The following SLC44A5 variants were observed in gnomAD, a reference collection of about 807,000 sequenced individuals.
SLC44A5 encodes choline transporter-like protein 5.
A neutral mutation model predicts 101.8 loss-of-function variants in SLC44A5; 57 were observed. The ratio of observed to expected loss-of-function variants is 0.56; its 90% CI spans 0.45 to 0.70. The LOEUF is 0.70. SLC44A5 is among the 30% of genes least tolerant of loss of function. The probability of loss-of-function intolerance (pLI) is 0.00; values close to 1 mark genes in which losing one functional copy is unlikely to be tolerated. For missense variants in SLC44A5, 737 were observed against 853.1 expected (o/e 0.86, Z 1.70); for synonymous variants, 281 against 290.9 (o/e 0.97, Z 0.35).
intron 2 of SLC44A5, among the ~76,000 whole-genome samples, chr1:75,504,236 T>C (rs1669125468): frequency 6.6e-6 from 1 of 152,212 alleles, no homozygotes; most frequent in African/African-American, 2.4e-5. Context: ...TTTGTAATTT[T>C]ACTTTTGGTC....
At chr1:75,464,083 A>G (rs1351378200) in intron 2 of SLC44A5, among the ~76,000 whole-genome samples, 1 of 151,916 alleles carries the variant, frequency 6.6e-6, no homozygotes, top group Non-Finnish European at 1.5e-5. Context: ...TTAGCTGGGC[A>G]TGGTGGCATG....
the SLC44A5 span, among the ~76,000 whole-genome samples, chr1:75,714,220 G>T: frequency 6.6e-6 from 1 of 152,158 alleles, no homozygotes; most frequent in Non-Finnish European, 1.5e-5. Context: ...TAAAAGGTTG[G>T]TTCAACATAT....
At chr1:75,615,436 T>TACACACAC (rs56337760), upstream of SLC44A5, among the ~76,000 whole-genome samples, 3,001 of 133,340 alleles carry the variant, frequency 0.023, 144 homozygotes, top group African/African-American at 0.081. Context: ...CACACATACA[T>TACACACAC]ACACACACAC....
intron 4 of SLC44A5, among the ~76,000 whole-genome samples, chr1:75,335,609 G>C (rs903870240): frequency 6.6e-6 from 1 of 152,162 alleles, no homozygotes; most frequent in Non-Finnish European, 1.5e-5. Context: ...TGGATGGACA[G>C]AGTTGTTTGA....
intron 5 of SLC44A5, among the ~76,000 whole-genome samples, chr1:75,286,866 C>T (rs1422823029): frequency 5.3e-5 from 8 of 152,036 alleles, no homozygotes; most frequent in Admixed American, 5.2e-4. Flanking sequence ...GATGCTTTTG[C>T]CTCACAGCTC....
the SLC44A5 span, among the ~76,000 whole-genome samples, chr1:75,621,340 C>G: frequency 1.3e-5 from 2 of 151,870 alleles, no homozygotes; most frequent in Admixed American, 6.6e-5. Context: ...CTAGCCATGC[C>G]AAGACTACAC....
intron 2 of SLC44A5, among the ~76,000 whole-genome samples, chr1:75,535,025 TA>T (rs1407063934): frequency 1.3e-5 from 2 of 151,868 alleles, no homozygotes; most frequent in African/African-American, 4.8e-5. Flanking sequence ...TTGATAATTC[TA>T]TCTTGATTAA....
At chr1:75,695,066 A>G in the SLC44A5 span, among the ~76,000 whole-genome samples, 3 of 152,208 alleles carry the variant, frequency 2.0e-5, no homozygotes, top group African/African-American at 4.8e-5. Flanking sequence ...AGGGTAAAAA[A>G]GGCAATTGAT....
intron 4 of SLC44A5, among the ~76,000 whole-genome samples, chr1:75,337,732 T>A (rs1212182796): frequency 6.6e-6 from 1 of 152,190 alleles, no homozygotes; most frequent in East Asian, 1.9e-4. Flanking sequence ...ACCTCTCCTA[T>A]GCATGACCAT....
chr1:75,411,511 A>T (rs975296392), intron 2 of SLC44A5, among the ~76,000 whole-genome samples: 1 of 152,122 alleles, frequency 6.6e-6, no homozygotes, highest in Non-Finnish European at 1.5e-5. Context: ...TTGAAAGAGC[A>T]TGAAGTACCA....
the SLC44A5 span, among the ~76,000 whole-genome samples, chr1:75,620,227 T>C: frequency 1.3e-5 from 2 of 152,228 alleles, no homozygotes; most frequent in South Asian, 4.1e-4. Flanking sequence ...TTATCCAGTC[T>C]ATCACTGTTG....
intron 2 of SLC44A5, among the ~76,000 whole-genome samples, chr1:75,535,532 C>G (rs1670950229): frequency 6.6e-6 from 1 of 152,180 alleles, no homozygotes; most frequent in African/African-American, 2.4e-5. Context: ...GCCCAAAGAT[C>G]ACTGGTGTAC....
chr1:75,604,828 T>C (rs543051560), intron 1 of SLC44A5, among the ~76,000 whole-genome samples: 14 of 152,056 alleles, frequency 9.2e-5, no homozygotes, highest in African/African-American at 3.4e-4. Flanking sequence ...TGAACATTAT[T>C]GGTGTAAAGA....
At chr1:75,633,451 G>T in the SLC44A5 span, among the ~76,000 whole-genome samples, 2 of 152,242 alleles carry the variant, frequency 1.3e-5, no homozygotes, top group Admixed American at 1.3e-4. Flanking sequence ...TTGTAAAGTG[G>T]ATTCCTAGGT....
At chr1:75,519,466 G>A (rs533674975) in intron 2 of SLC44A5, among the ~76,000 whole-genome samples, 1 of 152,200 alleles carries the variant, frequency 6.6e-6, no homozygotes, top group Admixed American at 6.5e-5. Flanking sequence ...GCTGAGGCAG[G>A]AGAATTGCTT....
In SLC44A5 at chr1:75,203,800, G is replaced by A. The variant is rs777408402; in HGVS notation, c.2081C>T (p.Ala694Val). 3.2e-6 allele frequency: 5 copies of A among 1,549,568 alleles called. No individual in the cohort carries two copies. The African/African-American group carries it at 4.1e-5, about 13-fold the overall frequency. The change falls in exon 24 of 24, where the codon GCA (alanine) becomes GTA (valine). Residue 694 changes from alanine to valine, a missense_variant. By Grantham distance (64) the Ala-to-Val change is moderately conservative. Coordinates refer to ENST00000370859, the MANE Select transcript of SLC44A5 (RefSeq NM_001130058.2). ...AGGTTGACTCACATAATAAGGTCTT[G>A]CAGTAGAACCATCATTTCTTTCTAA... ...EDLERNDGST[A>V]RPYYVSQPLL... is the part of the protein sequence containing the mutation.
At chr1:75,630,964 G>A in the SLC44A5 span, among the ~76,000 whole-genome samples, 1 of 152,160 alleles carries the variant, frequency 6.6e-6, no homozygotes, top group African/African-American at 2.4e-5. Context: ...TTCAGGGTCT[G>A]AAATTCTTGC....
intron 2 of SLC44A5, among the ~76,000 whole-genome samples, chr1:75,428,908 C>A (rs1664459231): frequency 6.6e-6 from 1 of 152,166 alleles, no homozygotes. Context: ...AAGTAAGAGT[C>A]TTAGTTTTTT....
At chr1:75,543,076 GA>G (rs1014560924) in intron 1 of SLC44A5, among the ~76,000 whole-genome samples, 2 of 152,102 alleles carry the variant, frequency 1.3e-5, no homozygotes, top group African/African-American at 4.8e-5. Flanking sequence ...TGTTTAATAA[GA>G]TGCCATGCAT....
Sources: gnomAD v4.1 joint callset for allele counts (sites outside exome capture counted in the v4.1 genomes callset) on GRCh38, gnomAD v4.1.1 for gene constraint, MANE v1.5 for transcripts, NCBI Gene and HGNC (gene_info 2026-07-23, HGNC 2026-07-21) for gene names.